DLG2: variants seen among roughly 807,000 people sequenced by gnomAD.
DLG2 encodes discs large MAGUK scaffold protein 2, also known as disks large homolog 2.
Under a neutral mutation model 132.5 loss-of-function variants are expected in DLG2, and 45 were observed. The observed-to-expected ratio is 0.34, with a 90% CI of 0.27 to 0.44. The LOEUF (loss-of-function observed/expected upper bound fraction) is 0.44. DLG2 is among the 20% of genes least tolerant of loss of function. The pLI, the probability that DLG2 is intolerant of heterozygous loss-of-function variation, is 1.00. For missense variants in DLG2, 1,045 were observed against 1,196.9 expected (o/e 0.87, Z 1.87); for synonymous variants, 424 against 419.6 (o/e 1.01, Z -0.13).
intron 11 of DLG2, among the ~76,000 whole-genome samples, chr11:83,992,157 C>T (rs748715649): frequency 7.2e-5 from 11 of 152,276 alleles, no homozygotes; most frequent in Admixed American, 1.3e-4. Flanking sequence ...CTTTCTTCCT[C>T]TATTTAACTC....
At chr11:83,624,662 C>T (rs1297754048) in intron 19 of DLG2, among the ~76,000 whole-genome samples, 1 of 152,190 alleles carries the variant, frequency 6.6e-6, no homozygotes, top group Non-Finnish European at 1.5e-5. Context: ...AGTTTAACGT[C>T]ATCCTAACAA....
chr11:83,671,800 T>C (rs56308192), intron 18 of DLG2, among the ~76,000 whole-genome samples: 1 of 152,214 alleles, frequency 6.6e-6, no homozygotes, highest in South Asian at 2.1e-4. Flanking sequence ...ACAATACAAT[T>C]GTCACATCTC....
intron 22 of DLG2, among the ~76,000 whole-genome samples, chr11:83,481,578 C>A (rs1312496824): frequency 2.6e-5 from 4 of 151,998 alleles, no homozygotes; most frequent in Admixed American, 2.6e-4. Flanking sequence ...TAATGAAAAC[C>A]AAAGCATGGG....
chr11:85,345,737 CTGA>C (rs1331467693), intron 3 of DLG2, among the ~76,000 whole-genome samples: 1 of 152,034 alleles, frequency 6.6e-6, no homozygotes, highest in African/African-American at 2.4e-5. Flanking sequence ...CCCCATTAGC[CTGA>C]TAATAGGATC....
intron 6 of DLG2, among the ~76,000 whole-genome samples, chr11:84,803,389 T>C (rs1024288676): frequency 5.9e-5 from 9 of 152,210 alleles, no homozygotes; most frequent in Non-Finnish European, 1.2e-4. Flanking sequence ...TAGGAGACTA[T>C]GAATAGAGAG....
intron 7 of DLG2, among the ~76,000 whole-genome samples, chr11:84,329,384 G>C (rs1274661764): frequency 6.6e-6 from 1 of 152,090 alleles, no homozygotes; most frequent in African/African-American, 2.4e-5. Context: ...CTGGTGGGGG[G>C]TAACTGAATC....
At chr11:85,387,588 T>C (rs1180268949) in intron 3 of DLG2, among the ~76,000 whole-genome samples, 1 of 152,174 alleles carries the variant, frequency 6.6e-6, no homozygotes, top group East Asian at 1.9e-4. Flanking sequence ...TGCTGAATAA[T>C]GCAACTAATA....
intron 2 of DLG2, among the ~76,000 whole-genome samples, chr11:85,606,664 C>T (rs2080570786): frequency 6.6e-6 from 1 of 152,168 alleles, no homozygotes. Context: ...TTTCGCTCTT[C>T]ACAATAAATC....
At chr11:83,615,575 A>G (rs1310604653) in intron 19 of DLG2, among the ~76,000 whole-genome samples, 1 of 152,226 alleles carries the variant, frequency 6.6e-6, no homozygotes, top group Non-Finnish European at 1.5e-5. Context: ...TGAAATGTGG[A>G]GATTATCCTG....
chr11:83,468,533 T>A (rs1223673281), intron 25 of DLG2, among the ~76,000 whole-genome samples: 5 of 152,158 alleles, frequency 3.3e-5, no homozygotes, highest in Admixed American at 2.6e-4. Flanking sequence ...ACTTAATTCT[T>A]TAGCGGTACA....
At chr11:84,971,190 A>G (rs2054048247) in intron 6 of DLG2, among the ~76,000 whole-genome samples, 1 of 152,200 alleles carries the variant, frequency 6.6e-6, no homozygotes, top group Non-Finnish European at 1.5e-5. Flanking sequence ...TACATACAAT[A>G]AACATAGCGA....
At chr11:84,615,224 A>G (rs998260114) in intron 6 of DLG2, among the ~76,000 whole-genome samples, 1 of 152,164 alleles carries the variant, frequency 6.6e-6, no homozygotes. Flanking sequence ...TTATTGGATG[A>G]GTCTAATAGC....
chr11:83,463,078 G>T (rs1326515319), intron 26 of DLG2, among the ~76,000 whole-genome samples: 1 of 152,092 alleles, frequency 6.6e-6, no homozygotes, highest in Non-Finnish European at 1.5e-5. Context: ...TGGAACATCT[G>T]GCCTTAGTCA....
intron 19 of DLG2, among the ~76,000 whole-genome samples, chr11:83,543,461 G>A (rs938057115): frequency 2.6e-5 from 4 of 152,130 alleles, no homozygotes; most frequent in African/African-American, 7.2e-5. Context: ...GCAGTCTAGT[G>A]TATTACAGTG....
At chr11:84,827,491 A>G (rs569784865) in intron 6 of DLG2, among the ~76,000 whole-genome samples, 2 of 151,784 alleles carry the variant, frequency 1.3e-5, no homozygotes, top group Admixed American at 1.3e-4. Flanking sequence ...TAGGAGGATA[A>G]TATTGATTGA....
At chr11:85,007,161 T>C (rs1246458910) in intron 6 of DLG2, among the ~76,000 whole-genome samples, 5 of 151,608 alleles carry the variant, frequency 3.3e-5, no homozygotes, top group African/African-American at 7.3e-5. Flanking sequence ...AAATTCCTCA[T>C]GTGCTATTTA....
At chr11:85,416,496 G>C (rs57595752) in intron 3 of DLG2, among the ~76,000 whole-genome samples, 7,598 of 152,242 alleles carry the variant, frequency 0.05, 260 homozygotes, top group East Asian at 0.096. Flanking sequence ...TTGGTAGCTT[G>C]ATGGGGATAG....
intron 6 of DLG2, among the ~76,000 whole-genome samples, chr11:84,876,006 G>A (rs1436576262): frequency 1.3e-5 from 2 of 152,280 alleles, no homozygotes; most frequent in East Asian, 3.9e-4. Flanking sequence ...CCAAAGTGCT[G>A]GGATTACAGG....
chr11:85,149,131 A>G (rs190786028), intron 5 of DLG2, among the ~76,000 whole-genome samples: 1 of 152,298 alleles, frequency 6.6e-6, no homozygotes, highest in Non-Finnish European at 1.5e-5. Context: ...TACCAGTACC[A>G]TGCTGTTTTG....
Sources: gnomAD v4.1 joint callset for allele counts (sites outside exome capture counted in the v4.1 genomes callset) on GRCh38, gnomAD v4.1.1 for gene constraint, MANE v1.5 for transcripts, NCBI Gene and HGNC (gene_info 2026-07-23, HGNC 2026-07-21) for gene names.